The following FGGY variants were observed in gnomAD, a reference collection of about 807,000 sequenced individuals.
FGGY encodes FGGY carbohydrate kinase domain-containing protein.
Under a neutral mutation model 71.3 loss-of-function variants are expected in FGGY, and 72 were observed. That is an observed-to-expected ratio of 1.01 (90% CI 0.84 to 1.23). The LOEUF (loss-of-function observed/expected upper bound fraction) is 1.23, where lower values mean the gene tolerates loss of function less well. FGGY is among the 50% of genes most tolerant of loss of function. The pLI is 0.00. For missense variants in FGGY, 668 were observed against 682.3 expected, an observed-to-expected ratio of 0.98 and a Z score of 0.23; for synonymous variants, 251 against 250.3, an observed-to-expected ratio of 1.00 and a Z score of -0.02.
At chr1:59,546,719 G>A (rs964354776) in intron 7 of FGGY, among the ~76,000 whole-genome samples, 9 of 151,674 alleles carry the variant, frequency 5.9e-5, no homozygotes, top group African/African-American at 1.5e-4. Flanking sequence ...CTAATTTTTT[G>A]TATTTTTAGT....
chr1:59,597,454 A>G (rs1368824214), intron 8 of FGGY, among the ~76,000 whole-genome samples: 1 of 152,184 alleles, frequency 6.6e-6, no homozygotes. Context: ...TAGAGCCATT[A>G]TAACCTCTGT....
chr1:59,535,440 A>G (rs999616878), intron 7 of FGGY, among the ~76,000 whole-genome samples: 2 of 152,190 alleles, frequency 1.3e-5, no homozygotes, highest in African/African-American at 4.8e-5. Context: ...GAAAGTCAAC[A>G]AGGATACCCA....
At chr1:59,299,532 G>A (rs561312006) in intron 1 of FGGY, among the ~76,000 whole-genome samples, 3 of 152,194 alleles carry the variant, frequency 2.0e-5, no homozygotes, top group African/African-American at 7.2e-5. Flanking sequence ...AGTGGAGAGA[G>A]ATTAGGAAAA....
chr1:59,544,594 A>G (rs2095493614), intron 7 of FGGY, among the ~76,000 whole-genome samples: 1 of 152,188 alleles, frequency 6.6e-6, no homozygotes, highest in African/African-American at 2.4e-5. Context: ...TCAAAATACT[A>G]ACATGCCATA....
intron 5 of FGGY, among the ~76,000 whole-genome samples, chr1:59,442,519 G>A (rs180847873): frequency 2.6e-5 from 4 of 152,084 alleles, no homozygotes; most frequent in Admixed American, 6.6e-5. Flanking sequence ...TGAAAGGTAC[G>A]AAATCTTCAG....
intron 4 of FGGY, among the ~76,000 whole-genome samples, chr1:59,354,623 G>A (rs908356951): frequency 4.6e-5 from 7 of 152,148 alleles, no homozygotes; most frequent in African/African-American, 1.7e-4. Context: ...TGTGAACAAT[G>A]GTCAGTAGCT....
At position 59,613,637 on chromosome 1, in the gene FGGY, T is replaced by C. The variant is rs1214282781; in HGVS notation, c.1011+5727T>C. Among the ~76,000 whole-genome samples the C allele has an allele frequency of 4.0e-5, 6 of 151,720 alleles. No individual in the cohort carries two copies. The East Asian group carries it at 1.2e-3, about 29-fold the overall frequency. On this transcript the variant is annotated intron_variant, in intron 9 of 15. Coordinates refer to ENST00000303721, the MANE Select transcript of FGGY (RefSeq NM_018291.5). ...TCAAAAGCTAGCAGAAGGCAAGAAATAACTAAAATCAGAGCAGAACTGAAG... is the reference window on the plus strand; with the variant it reads ...TCAAAAGCTAGCAGAAGGCAAGAAACAACTAAAATCAGAGCAGAACTGAAG...
intron 11 of FGGY, among the ~76,000 whole-genome samples, chr1:59,654,200 A>G (rs754843494): frequency 2.0e-5 from 3 of 152,146 alleles, no homozygotes; most frequent in African/African-American, 7.2e-5. Context: ...ACTTACTGAC[A>G]CCTCTAAATA....
chr1:59,749,650 A>T (rs551170102), intron 14 of FGGY, among the ~76,000 whole-genome samples: 2 of 152,036 alleles, frequency 1.3e-5, no homozygotes, highest in Non-Finnish European at 2.9e-5. Context: ...TCCAATACAC[A>T]CCCCTGGCCA....
chr1:59,413,734 G>A (rs1479180348), intron 5 of FGGY, among the ~76,000 whole-genome samples: 1 of 152,208 alleles, frequency 6.6e-6, no homozygotes, highest in Admixed American at 6.5e-5. Flanking sequence ...GCCGAGGTGT[G>A]CGGATTGCTT....
chr1:59,675,724 G>C (rs967505775), intron 14 of FGGY, among the ~76,000 whole-genome samples: 1 of 152,142 alleles, frequency 6.6e-6, no homozygotes, highest in African/African-American at 2.4e-5. Context: ...TAAATATCTT[G>C]CCCTTCCTGC....
intron 14 of FGGY, among the ~76,000 whole-genome samples, chr1:59,701,968 C>A (rs2097713023): frequency 6.6e-6 from 1 of 152,130 alleles, no homozygotes; most frequent in South Asian, 2.1e-4. Flanking sequence ...CTACCTGAGA[C>A]TGAGTAGTTT....
intron 14 of FGGY, among the ~76,000 whole-genome samples, chr1:59,687,535 C>T (rs773516859): frequency 2.6e-5 from 4 of 151,780 alleles, no homozygotes; most frequent in East Asian, 1.9e-4. Context: ...GGCACAATCT[C>T]GGCTCACTGC....
intron 6 of FGGY, among the ~76,000 whole-genome samples, chr1:59,477,543 C>T (rs950985240): frequency 1.3e-5 from 2 of 152,144 alleles, no homozygotes; most frequent in African/African-American, 2.4e-5. Context: ...GAGCCACCAC[C>T]CCTGCTACCC....
chr1:59,612,181 A>C (rs961239351), intron 9 of FGGY, among the ~76,000 whole-genome samples: 1 of 152,224 alleles, frequency 6.6e-6, no homozygotes, highest in African/African-American at 2.4e-5. Context: ...AGCAACTCCA[A>C]GACACATAAT....
intron 8 of FGGY, among the ~76,000 whole-genome samples, chr1:59,600,696 T>C (rs2096568626): frequency 6.6e-6 from 1 of 152,178 alleles, no homozygotes; most frequent in Non-Finnish European, 1.5e-5. Flanking sequence ...CATTACCCCA[T>C]CTAGGACTTA....
chr1:59,605,076 C>T (rs1448312723), intron 8 of FGGY, among the ~76,000 whole-genome samples: 4 of 152,146 alleles, frequency 2.6e-5, no homozygotes, highest in Non-Finnish European at 5.9e-5. Context: ...AACACTCACA[C>T]TCACCCACCT....
intron 14 of FGGY, among the ~76,000 whole-genome samples, chr1:59,685,252 A>T (rs772698387): frequency 6.6e-6 from 1 of 151,978 alleles, no homozygotes; most frequent in African/African-American, 2.4e-5. Context: ...GCTTGAGGGA[A>T]TGGTGGGGCA....
At chr1:59,405,146 C>T (rs752383857) in intron 5 of FGGY, among the ~76,000 whole-genome samples, 1 of 152,156 alleles carries the variant, frequency 6.6e-6, no homozygotes, top group Non-Finnish European at 1.5e-5. Flanking sequence ...TTCTTTATTA[C>T]ATGCCTTAAA....
Sources: allele counts gnomAD v4.1 joint callset (sites outside exome capture counted in the v4.1 genomes callset), GRCh38; gene constraint gnomAD v4.1.1; transcripts MANE v1.5; gene names NCBI Gene and HGNC (gene_info 2026-07-23, HGNC 2026-07-21).